MAP7: variants seen among roughly 807,000 people sequenced by gnomAD.
MAP7 encodes the protein ensconsin.
A neutral mutation model predicts 94.8 loss-of-function variants in MAP7; 52 were observed. The ratio of observed to expected loss-of-function variants is 0.55; its 90% CI spans 0.44 to 0.69. The LOEUF is 0.69. Ranked by LOEUF, MAP7 falls within the 30% of genes least tolerant of loss-of-function variation. The pLI is 0.00. For synonymous variants in MAP7, 350 were observed against 357.0 expected, an observed-to-expected ratio of 0.98 and a Z score of 0.22; for missense variants, 940 against 964.6, an observed-to-expected ratio of 0.97 and a Z score of 0.34.
At chr6:136,535,197 C>T (rs1828781051) in intron 1 of MAP7, among the ~76,000 whole-genome samples, 1 of 152,010 alleles carries the variant, frequency 6.6e-6, no homozygotes, top group African/African-American at 2.4e-5. Context: ...GTAAGTTCTC[C>T]CTCAGTTAGT....
chr6:136,356,221 C>T (rs761237756), intron 16 of MAP7, among the ~76,000 whole-genome samples: 19 of 152,288 alleles, frequency 1.2e-4, no homozygotes, highest in Middle Eastern at 3.4e-3. Context: ...GGCTGGACTG[C>T]AGTGGCAGGA....
chr6:136,389,278 T>C, intron 4 of MAP7, 76 bp downstream of exon 4: 1 of 1,495,464 alleles, frequency 6.7e-7, no homozygotes, highest in African/African-American at 1.4e-5. Context: ...TGCACCTGAC[T>C]GCAAAGTTTC....
intron 1 of MAP7, among the ~76,000 whole-genome samples, chr6:136,427,122 C>T (rs941838077): frequency 2.0e-5 from 3 of 152,070 alleles, no homozygotes; most frequent in Non-Finnish European, 4.4e-5. Flanking sequence ...TATGTCTGTC[C>T]CTGAAGAAAC....
At chr6:136,377,054 T>A (rs923661574) in intron 7 of MAP7, among the ~76,000 whole-genome samples, 2 of 147,926 alleles carry the variant, frequency 1.4e-5, no homozygotes, top group African/African-American at 2.4e-5. Context: ...GATGTAGGCT[T>A]ACCGACTAGA....
intron 2 of MAP7, among the ~76,000 whole-genome samples, chr6:136,413,521 C>G (rs1331414186): frequency 6.8e-6 from 1 of 146,386 alleles, no homozygotes; most frequent in Non-Finnish European, 1.5e-5. Flanking sequence ...GAGACACCGT[C>G]TCAGAAAAAA....
chr6:136,433,053 G>A (rs1795403484), intron 1 of MAP7, among the ~76,000 whole-genome samples: 1 of 151,998 alleles, frequency 6.6e-6, no homozygotes, highest in Non-Finnish European at 1.5e-5. Flanking sequence ...AGAAAGAAAT[G>A]TCTATTACAT....
At chr6:136,433,127 C>T (rs924511793) in intron 1 of MAP7, among the ~76,000 whole-genome samples, 1 of 152,086 alleles carries the variant, frequency 6.6e-6, no homozygotes, top group Non-Finnish European at 1.5e-5. Flanking sequence ...TTCCCTTCTT[C>T]CTTTCTGAAA....
chr6:136,402,679 G>A (rs979229022), intron 3 of MAP7, among the ~76,000 whole-genome samples: 10 of 152,108 alleles, frequency 6.6e-5, no homozygotes, highest in South Asian at 2.1e-4. Flanking sequence ...GGCCGAGGCC[G>A]GCGGATCACG....
rs78377803 is a variant in MAP7, at chr6:136,357,352, A to G, written c.1913-558T>C. 3.9e-5 allele frequency among the ~76,000 whole-genome samples: 6 copies of G among 152,342 alleles called. No homozygotes were observed. In the East Asian group the frequency reaches 9.6e-4, roughly 24 times the overall value. Reference sequence around the variant, plus strand: ...TGTTGCAGCCCACTTTAAGCTGACAATATTGATGACTGCCTCTAAAATACA... The same window carrying G: ...TGTTGCAGCCCACTTTAAGCTGACAGTATTGATGACTGCCTCTAAAATACA... On this transcript the variant is annotated intron_variant, in intron 15 of 17. Transcript: ENST00000354570.
At chr6:136,359,522 T>C (rs1791918214) in intron 15 of MAP7, among the ~76,000 whole-genome samples, 1 of 152,140 alleles carries the variant, frequency 6.6e-6, no homozygotes, top group South Asian at 2.1e-4. Flanking sequence ...TAAAAGTATA[T>C]GTATACACAT....
intron 1 of MAP7, among the ~76,000 whole-genome samples, chr6:136,452,414 A>G (rs1801433371): frequency 6.6e-6 from 1 of 152,254 alleles, no homozygotes. Flanking sequence ...ACTGTAGGTA[A>G]AAAGCTATCA....
intron 2 of MAP7, among the ~76,000 whole-genome samples, chr6:136,417,999 A>C (rs940096523): frequency 9.2e-5 from 14 of 152,236 alleles, no homozygotes; most frequent in African/African-American, 2.9e-4. Flanking sequence ...AAGTCAAACT[A>C]TTAATCATTT....
intron 1 of MAP7, among the ~76,000 whole-genome samples, chr6:136,535,340 C>A (rs1333796794): frequency 6.6e-6 from 1 of 152,182 alleles, no homozygotes; most frequent in East Asian, 1.9e-4. Flanking sequence ...AGAAGCCGAG[C>A]AGATGTCAGT....
At chr6:136,490,714 G>C (rs1816315861) in intron 1 of MAP7, among the ~76,000 whole-genome samples, 1 of 152,204 alleles carries the variant, frequency 6.6e-6, no homozygotes, top group South Asian at 2.1e-4. Flanking sequence ...GGGATAAGTG[G>C]AAGTGGAAAA....
At chr6:136,388,951 C>T (rs1013840776) in intron 4 of MAP7, among the ~76,000 whole-genome samples, 1 of 152,102 alleles carries the variant, frequency 6.6e-6, no homozygotes, top group Non-Finnish European at 1.5e-5. Flanking sequence ...CACTCTGAGT[C>T]TAAATTTCTA....
At chr6:136,459,841 T>C (rs1281989786) in intron 1 of MAP7, among the ~76,000 whole-genome samples, 1 of 152,178 alleles carries the variant, frequency 6.6e-6, no homozygotes, top group Non-Finnish European at 1.5e-5. Flanking sequence ...ATGATGCCTA[T>C]GGTTAATGAT....
chr6:136,357,108 C>T (rs1791207161), intron 15 of MAP7, among the ~76,000 whole-genome samples: 1 of 152,104 alleles, frequency 6.6e-6, no homozygotes, highest in South Asian at 2.1e-4. Context: ...AATATTGAAA[C>T]CAAAGCAACT....
intron 1 of MAP7, among the ~76,000 whole-genome samples, chr6:136,423,962 AT>A (rs1162468969): frequency 6.6e-6 from 1 of 151,532 alleles, no homozygotes; most frequent in Non-Finnish European, 1.5e-5. Context: ...CGCCTGGATA[AT>A]TTTTTTGTAT....
chr6:136,433,688 C>T (rs1324315363), intron 1 of MAP7, among the ~76,000 whole-genome samples: 2 of 152,226 alleles, frequency 1.3e-5, no homozygotes, highest in African/African-American at 4.8e-5. Context: ...GCAAGCCTAA[C>T]CTGCATGGGT....
Sources: allele counts gnomAD v4.1 joint callset (sites outside exome capture counted in the v4.1 genomes callset), GRCh38; gene constraint gnomAD v4.1.1; transcripts MANE v1.5; gene names NCBI Gene and HGNC (gene_info 2026-07-23, HGNC 2026-07-21).